Variants in RIN2 observed in about 807,000 individuals in gnomAD.
RIN2 encodes Ras and Rab interactor 2, also known as RAB5 interacting protein 2.
RIN2 carries 36 observed loss-of-function variants against 78.0 expected under a neutral mutation model. That is an observed-to-expected ratio of 0.46 (90% CI 0.35 to 0.61). RIN2 has a LOEUF of 0.61. RIN2 is among the 20% of genes least tolerant of loss of function. The pLI, the probability that RIN2 is intolerant of heterozygous loss-of-function variation, is 0.00. For missense variants in RIN2, 1,087 were observed against 1,159.7 expected, an observed-to-expected ratio of 0.94 and a Z score of 0.91; for synonymous variants, 466 against 466.8, an observed-to-expected ratio of 1.00 and a Z score of 0.02.
At chr20:19,893,214 G>A (rs1253864587) in intron 3 of RIN2, among the ~76,000 whole-genome samples, 2 of 152,194 alleles carry the variant, frequency 1.3e-5, no homozygotes, top group Admixed American at 6.5e-5. Context: ...CATTTAGGAA[G>A]ATGGTTGGAG....
intron 3 of RIN2, among the ~76,000 whole-genome samples, chr20:19,913,602 C>A (rs1165230635): frequency 6.6e-6 from 1 of 152,208 alleles, no homozygotes; most frequent in African/African-American, 2.4e-5. Context: ...TTTTCCTCAA[C>A]CCCTGGTAAC....
intron 4 of RIN2, among the ~76,000 whole-genome samples, chr20:19,936,740 T>C (rs1453808723): frequency 6.6e-6 from 1 of 152,242 alleles, no homozygotes. Flanking sequence ...CCTTCCATCT[T>C]TTCCTTTTCA....
At chr20:19,792,216 T>C (rs978412897) in intron 1 of RIN2, among the ~76,000 whole-genome samples, 1 of 152,244 alleles carries the variant, frequency 6.6e-6, no homozygotes, top group South Asian at 2.1e-4. Flanking sequence ...GCCTTGGCTT[T>C]TTAGGGTCTA....
intron 3 of RIN2, among the ~76,000 whole-genome samples, chr20:19,914,739 C>T (rs561662633): frequency 2.6e-5 from 4 of 152,168 alleles, no homozygotes; most frequent in Admixed American, 6.5e-5. Flanking sequence ...TCAGGCCCTA[C>T]GGAATGCCTC....
At chr20:19,874,941 G>C (rs1458646707) in intron 2 of RIN2, among the ~76,000 whole-genome samples, 1 of 150,698 alleles carries the variant, frequency 6.6e-6, no homozygotes, top group Non-Finnish European at 1.5e-5. Context: ...GCTCACTGAA[G>C]CCTCCTCCTC....
At chr20:19,897,187 C>T (rs955794268) in intron 3 of RIN2, among the ~76,000 whole-genome samples, 1 of 152,162 alleles carries the variant, frequency 6.6e-6, no homozygotes, top group South Asian at 2.1e-4. Flanking sequence ...CTCACTGCAA[C>T]CTCCGCCTTC....
At chr20:19,779,722 A>ACC (rs1390946227) in intron 1 of RIN2, among the ~76,000 whole-genome samples, 7 of 152,218 alleles carry the variant, frequency 4.6e-5, no homozygotes, top group African/African-American at 1.7e-4. Context: ...AGATTTTCTA[A>ACC]AATAAGACTT....
At chr20:19,819,770 A>G (rs1385762905) in intron 2 of RIN2, among the ~76,000 whole-genome samples, 4 of 152,138 alleles carry the variant, frequency 2.6e-5, no homozygotes, top group Non-Finnish European at 5.9e-5. Context: ...CTGAGCTCAA[A>G]TGATCCTCCT....
intron 2 of RIN2, among the ~76,000 whole-genome samples, chr20:19,870,965 T>C (rs895353290): frequency 6.6e-6 from 1 of 152,212 alleles, no homozygotes; most frequent in African/African-American, 2.4e-5. Context: ...CCCTTGCAAC[T>C]AACAAATACT....
chr20:19,795,357 T>C lies in RIN2; in HGVS notation c.-162-4265T>C, dbSNP rs2035021917. On this transcript the variant is annotated intron_variant, in intron 1 of 12. Transcript: ENST00000255006. ...TTCAGTTTTGTGTCTATTTTTTAGA[T>C]TGTTTGGGTTTGGCTGTTTATTGTA... 2.0e-5 allele frequency among the ~76,000 whole-genome samples: 3 copies of C among 152,340 alleles called. 1 individual carries two copies. In the South Asian group the frequency reaches 6.2e-4, roughly 32 times the overall value.
intron 2 of RIN2, among the ~76,000 whole-genome samples, chr20:19,872,688 C>T (rs973467203): frequency 7.2e-5 from 11 of 152,196 alleles, no homozygotes; most frequent in Non-Finnish European, 1.6e-4. Flanking sequence ...CCCAGCTATA[C>T]ATGTTCAGTC....
intron 10 of RIN2, among the ~76,000 whole-genome samples, chr20:19,991,737 G>C (rs977867332): frequency 6.6e-6 from 1 of 152,200 alleles, no homozygotes; most frequent in African/African-American, 2.4e-5. Context: ...CTTATTCCTG[G>C]TTTGAGTTTG....
At chr20:19,795,985 T>C (rs757449077) in intron 1 of RIN2, among the ~76,000 whole-genome samples, 1 of 151,660 alleles carries the variant, frequency 6.6e-6, no homozygotes. Context: ...TGAGCCGAGG[T>C]TGCACCATTG....
At chr20:19,993,563 AC>A (rs1053265570) in intron 11 of RIN2, among the ~76,000 whole-genome samples, 17 of 152,104 alleles carry the variant, frequency 1.1e-4, no homozygotes, top group African/African-American at 2.9e-4. Flanking sequence ...CTCCTCCCGT[AC>A]CCGATCCCAG....
intron 2 of RIN2, among the ~76,000 whole-genome samples, chr20:19,811,368 C>T (rs6035444): frequency 0.21 from 31,275 of 152,064 alleles, 3,682 homozygotes; most frequent in African/African-American, 0.31. Context: ...CCACAACTTC[C>T]TTCCATCATT....
intron 1 of RIN2, among the ~76,000 whole-genome samples, chr20:19,793,340 C>T (rs1307668618): frequency 1.3e-5 from 2 of 152,162 alleles, no homozygotes; most frequent in Non-Finnish European, 2.9e-5. Flanking sequence ...TGCCACATTT[C>T]AGGTGCTCGA....
Position 19,952,904 on chromosome 20 carries a change from A to G in RIN2, c.159-3711A>G, listed in dbSNP as rs146463640. On this transcript the variant is annotated intron_variant, in intron 4 of 12. Coordinates refer to ENST00000255006, the MANE Select transcript of RIN2 (RefSeq NM_018993.4). ...ATCTGAGTTAATATGCATGTTTTAC[A>G]CTTGGATCTCAGGCAAATGTTCCTT... 2.3e-3 allele frequency among the ~76,000 whole-genome samples: 346 copies of G among 152,328 alleles called. 3 individuals are homozygous for G. Among genetic ancestry groups the G allele is most frequent in the African/African-American group, 7.8e-3 (323 of 41,574 alleles).
chr20:19,889,049 G>T, intron 2 of RIN2: 1 of 832,044 alleles, frequency 1.2e-6, no homozygotes, highest in Non-Finnish European at 1.4e-6. Context: ...AAATATTTCT[G>T]ATTTCTAAGG....
At chr20:19,928,596 C>T (rs774232834) in intron 3 of RIN2, among the ~76,000 whole-genome samples, 8 of 152,196 alleles carry the variant, frequency 5.3e-5, no homozygotes, top group Non-Finnish European at 1.0e-4. Flanking sequence ...CAGGCCCAGC[C>T]CTGGGTGTGA....
Sources: allele counts gnomAD v4.1 joint callset (sites outside exome capture counted in the v4.1 genomes callset), GRCh38; gene constraint gnomAD v4.1.1; transcripts MANE v1.5; gene names NCBI Gene and HGNC (gene_info 2026-07-23, HGNC 2026-07-21).